Variants in TGM6 observed in about 807,000 individuals in gnomAD.
The protein encoded by TGM6 is protein-glutamine gamma-glutamyltransferase 6.
A neutral mutation model predicts 77.5 loss-of-function variants in TGM6; 74 were observed. That is an observed-to-expected ratio of 0.96 (90% CI 0.79 to 1.16). The LOEUF is 1.16. TGM6 is among the 50% of genes most tolerant of loss of function. The pLI, the probability that TGM6 is intolerant of heterozygous loss-of-function variation, is 0.00. For synonymous variants in TGM6, 383 were observed against 378.9 expected (o/e 1.01, Z -0.12); for missense variants, 968 against 940.2 (o/e 1.03, Z -0.39).
rs778237950 is a variant in TGM6 at position 2,430,519 on chromosome 20, G to A, written c.1752G>A (p.Leu584=). 3.7e-5 allele frequency: 59 copies of A among 1,614,190 alleles called. No homozygotes were observed. Among genetic ancestry groups the A allele is most frequent in the Non-Finnish European group, 4.8e-5 (57 of 1,180,044 alleles). Residue 584 remains leucine, a synonymous_variant, in exon 11 of 13, where the codon TTG becomes TTA. Transcript: ENST00000202625. ...TGACAGAGGACAAGAAGATCCTGTT[G>A]GCTGCCATGTGCCTTGTCACCAAAG... ...EDLTEDKKIL[L]AAMCLVTKGE... is the part of the protein sequence containing the mutation.
chr20:2,382,586 T>TCA (rs1419423860), intron 1 of TGM6, among the ~76,000 whole-genome samples: 2 of 152,242 alleles, frequency 1.3e-5, no homozygotes, highest in African/African-American at 4.8e-5. Context: ...ATTGGAGTTG[T>TCA]CATGCCTATG....
Position 2,383,699 on chromosome 20 carries a change from G to A in TGM6, c.7+2724G>A, listed in dbSNP as rs568099749. Among the ~76,000 whole-genome samples, 50 of 152,290 alleles carry A rather than the reference G, an allele frequency of 3.3e-4. 1 individual carries two copies. The highest frequency in any genetic ancestry group is 2.3e-3 in the Admixed American group (35 of 15,300). On this transcript the variant is annotated intron_variant, in intron 1 of 12. Coordinates refer to ENST00000202625, the MANE Select transcript of TGM6 (RefSeq NM_198994.3). Reference sequence around the variant, plus strand: ...CTGAAGCTGTTGGGGCCATACAGTCGCTTAAGCGAGAAGCAAAGAGGGGAG... The same window carrying A: ...CTGAAGCTGTTGGGGCCATACAGTCACTTAAGCGAGAAGCAAAGAGGGGAG...
intron 7 of TGM6, among the ~76,000 whole-genome samples, chr20:2,400,694 C>T (rs900719883): frequency 5.5e-5 from 7 of 126,660 alleles, no homozygotes; most frequent in African/African-American, 1.8e-4. Context: ...CTTGAACGCC[C>T]GGTTCTACTC....
rs1389337402 is a variant in TGM6 at position 2,417,265 on chromosome 20, C to T, written c.1370C>T (p.Ala457Val). The part of the protein sequence containing the change: ...SRKERQVYSK[A>V]VNRLFGVEAS... ...AAAGAGAGGCAGGTGTACAGCAAGG[C>T]GGTGAACAGGCTGTTCGGCGTGGAA... is the stretch of plus-strand genomic sequence containing the variant. The change falls in exon 10 of 13, where the codon GCG (alanine) becomes GTG (valine). Residue 457 changes from alanine to valine, a missense_variant. By Grantham distance (64) the Ala-to-Val change is moderately conservative (BLOSUM62 0). Transcript: ENST00000202625. The T allele has an allele frequency of 2.5e-6, 4 of 1,607,776 alleles. No homozygotes were observed. Among genetic ancestry groups the T allele is most frequent in the East Asian group, 2.2e-5 (1 of 44,556 alleles).
chr20:2,421,869 C>T (rs191880121), intron 10 of TGM6, among the ~76,000 whole-genome samples: 5 of 152,192 alleles, frequency 3.3e-5, no homozygotes, highest in Non-Finnish European at 5.9e-5. Flanking sequence ...TGGTGGCTCA[C>T]GGCTGTAATC....
intron 10 of TGM6, among the ~76,000 whole-genome samples, chr20:2,421,301 T>C (rs78570142): frequency 6.6e-4 from 100 of 152,360 alleles, no homozygotes; most frequent in African/African-American, 2.2e-3. Flanking sequence ...TTAAATTCTT[T>C]AGATAAATAC....
At chr20:2,424,502 G>A (rs1014419266) in intron 10 of TGM6, among the ~76,000 whole-genome samples, 2 of 152,220 alleles carry the variant, frequency 1.3e-5, no homozygotes, top group Non-Finnish European at 2.9e-5. Flanking sequence ...GAATTGAAGA[G>A]AATCAGGGCC....
Position 2,408,211 on chromosome 20 carries a change from C to T in TGM6, c.1336+4388C>T, listed in dbSNP as rs529898450. ...TAGATGAAATGACAGGGGCTTGTGC[C>T]TCTCTGAGTCATGAGCCCTTGCTCT... is the stretch of plus-strand genomic sequence containing the variant. On this transcript the variant is annotated intron_variant, in intron 9 of 12. Coordinates refer to ENST00000202625, the MANE Select transcript of TGM6 (RefSeq NM_198994.3). 3.9e-5 allele frequency among the ~76,000 whole-genome samples: 6 copies of T among 152,268 alleles called. No individual in the cohort carries two copies. In the South Asian group the frequency reaches 1.2e-3, roughly 32 times the overall value.
At chr20:2,383,268 G>A (rs1362789641) in intron 1 of TGM6, among the ~76,000 whole-genome samples, 1 of 152,226 alleles carries the variant, frequency 6.6e-6, no homozygotes, top group African/African-American at 2.4e-5. Context: ...CAGGGCTCAA[G>A]CCCACTGGCC....
chr20:2,432,242 T>C (rs542947665), intron 12 of TGM6, among the ~76,000 whole-genome samples: 3 of 152,132 alleles, frequency 2.0e-5, no homozygotes, highest in African/African-American at 7.2e-5. Context: ...GAGATGAGGT[T>C]TCACCACGTT....
At chr20:2,389,252 T>A (rs1309179345) in intron 1 of TGM6, among the ~76,000 whole-genome samples, 2 of 152,164 alleles carry the variant, frequency 1.3e-5, no homozygotes, top group Non-Finnish European at 2.9e-5. Flanking sequence ...CCAAGGTGCC[T>A]CAACCTGTAT....
At chr20:2,421,650 T>G (rs1337460543) in intron 10 of TGM6, among the ~76,000 whole-genome samples, 1 of 152,238 alleles carries the variant, frequency 6.6e-6, no homozygotes, top group Non-Finnish European at 1.5e-5. Context: ...TTGCTGGTTT[T>G]TAAAAGGTCT....
chr20:2,425,152 G>A (rs1023631903), intron 10 of TGM6, among the ~76,000 whole-genome samples: 1 of 151,892 alleles, frequency 6.6e-6, no homozygotes, highest in South Asian at 2.1e-4. Flanking sequence ...ACCAGCTTGG[G>A]CAACACAGCA....
At chr20:2,419,135 C>CA (rs1184151063) in intron 10 of TGM6, among the ~76,000 whole-genome samples, 2 of 152,164 alleles carry the variant, frequency 1.3e-5, no homozygotes, top group East Asian at 1.9e-4. Flanking sequence ...TTGCCGGTAT[C>CA]TCCCTCTCCA....
At chr20:2,410,226 A>C (rs1256719468) in intron 9 of TGM6, among the ~76,000 whole-genome samples, 1 of 152,124 alleles carries the variant, frequency 6.6e-6, no homozygotes, top group African/African-American at 2.4e-5. Context: ...TGAGTTTATC[A>C]CCTAAGGCCT....
chr20:2,414,006 C>T (rs1442950170), intron 9 of TGM6, among the ~76,000 whole-genome samples: 1 of 151,986 alleles, frequency 6.6e-6, no homozygotes, highest in Non-Finnish European at 1.5e-5. Flanking sequence ...GGATAAAGCA[C>T]TCTCATCTGA....
At chr20:2,386,643 G>A (rs2084598272) in intron 1 of TGM6, among the ~76,000 whole-genome samples, 1 of 152,114 alleles carries the variant, frequency 6.6e-6, no homozygotes, top group South Asian at 2.1e-4. Flanking sequence ...TCGGCCAAGG[G>A]AATTTGTGCC....
intron 7 of TGM6, among the ~76,000 whole-genome samples, chr20:2,401,993 T>C (rs1033881605): frequency 2.0e-5 from 3 of 152,078 alleles, no homozygotes; most frequent in African/African-American, 7.2e-5. Context: ...ATCCCAACAC[T>C]TTGGGAGGCC....
chr20:2,422,668 A>C (rs756239569), intron 10 of TGM6, among the ~76,000 whole-genome samples: 7 of 152,168 alleles, frequency 4.6e-5, no homozygotes, highest in African/African-American at 7.2e-5. Flanking sequence ...CAGGCGGTGC[A>C]TACCTGTAAT....
Sources: allele counts gnomAD v4.1 joint callset (sites outside exome capture counted in the v4.1 genomes callset), GRCh38; gene constraint gnomAD v4.1.1; transcripts MANE v1.5; gene names NCBI Gene and HGNC (gene_info 2026-07-23, HGNC 2026-07-21).